The following USP28 variants were observed in gnomAD, a reference collection of about 807,000 sequenced individuals.
The protein encoded by USP28 is ubiquitin carboxyl-terminal hydrolase 28.
USP28 carries 113 observed loss-of-function variants against 145.0 expected under a neutral mutation model. That is an observed-to-expected ratio of 0.78 (90% CI 0.67 to 0.91). The LOEUF (loss-of-function observed/expected upper bound fraction) is 0.91. Among genes scored for constraint, USP28 ranks in the 40% least tolerant of loss-of-function variants. USP28 has a pLI of 0.00. For synonymous variants in USP28, 447 were observed against 450.9 expected (o/e 0.99, Z 0.11); for missense variants, 1,201 against 1,289.6 (o/e 0.93, Z 1.05).
At position 113,852,631 on chromosome 11, in the gene USP28, G is replaced by C. The variant is rs763722077; in HGVS notation, c.138C>G (p.Ala46=). 2.5e-6 allele frequency: 4 copies of C among 1,613,354 alleles called. No homozygotes were observed. In the African/African-American group the frequency reaches 5.3e-5, roughly 22 times the overall value. Reference sequence around the variant, plus strand: ...CTGCCTGAGTAATGTCACCATTACTGGCCTATGGGAGAAAAAGACAATAGA... The same window carrying C: ...CTGCCTGAGTAATGTCACCATTACTCGCCTATGGGAGAAAAAGACAATAGA... The change falls in exon 3 of 25, where the codon GCC becomes GCG. Residue 46 remains alanine (A), a splice_region_variant and synonymous_variant. Coordinates refer to ENST00000003302, the Ensembl canonical transcript of USP28.
intron 12 of USP28, chr11:113,821,928 G>T (rs573073018): frequency 6.6e-6 from 1 of 152,218 alleles, no homozygotes; most frequent in Admixed American, 6.5e-5. Context: ...GTGGGGGAGT[G>T]GGGGAATACG....
In USP28 at chr11:113,838,100, C is replaced by G. The variant is rs558654363; in HGVS notation, c.534+2498G>C. ...GCCCTTTTCCTTGTTAAGGCCGACT[C>G]CTCAGATATACTTTCTATGCTGTCT... is the stretch of plus-strand genomic sequence containing the variant. On this transcript the variant is annotated intron_variant, in intron 5 of 24. Coordinates refer to ENST00000003302, the Ensembl canonical transcript of USP28. Among the ~76,000 whole-genome samples, 22 of 152,280 alleles carry G rather than the reference C, an allele frequency of 1.4e-4. 1 individual carries two copies. In the South Asian group the frequency reaches 4.4e-3, roughly 30 times the overall value.
chr11:113,825,090 AAAAG>A (rs1307098643), intron 11 of USP28, among the ~76,000 whole-genome samples: 14 of 152,280 alleles, frequency 9.2e-5, no homozygotes, highest in African/African-American at 3.4e-4. Context: ...ACAATTTTGA[AAAAG>A]AACAAAGTTG....
intron 7 of USP28, among the ~76,000 whole-genome samples, chr11:113,832,922 C>G (rs1488903467): frequency 2.0e-5 from 3 of 152,126 alleles, no homozygotes; most frequent in Non-Finnish European, 4.4e-5. Flanking sequence ...AGGTGCGTAC[C>G]ACCATGCCCG....
At chr11:113,851,857 G>A (rs1946492184) in intron 3 of USP28, among the ~76,000 whole-genome samples, 1 of 145,410 alleles carries the variant, frequency 6.9e-6, no homozygotes, top group Non-Finnish European at 1.5e-5. Context: ...TCTTTCTTCT[G>A]TCCTTTTTCT....
chr11:113,825,509 C>T (rs1200880240), intron 11 of USP28, among the ~76,000 whole-genome samples: 4 of 152,136 alleles, frequency 2.6e-5, no homozygotes. Context: ...ACATATTTTA[C>T]CCAAGAAAAC....
chr11:113,837,993 AG>A (rs1944757530), intron 5 of USP28, among the ~76,000 whole-genome samples: 1 of 151,288 alleles, frequency 6.6e-6, no homozygotes, highest in African/African-American at 2.4e-5. Flanking sequence ...AATTTCACAG[AG>A]GAAAAAAAAA....
intron 1 of USP28, chr11:113,874,419 T>C (rs1949154878): frequency 9.8e-7 from 1 of 1,015,346 alleles, no homozygotes; most frequent in Non-Finnish European, 1.2e-6. Context: ...AGGGAGACTC[T>C]GTCGAAAAAA....
chr11:113,808,733 C>T (rs1940465379), intron 17 of USP28, among the ~76,000 whole-genome samples: 1 of 152,192 alleles, frequency 6.6e-6, no homozygotes, highest in African/African-American at 2.4e-5. Flanking sequence ...AAACAAGCAT[C>T]TTTTAGGAAG....
chr11:113,821,098 A>G, intron 12 of USP28: 1 of 244,648 alleles, frequency 4.1e-6, no homozygotes, highest in Non-Finnish European at 8.9e-6. Context: ...ACTTGGGATG[A>G]AAGTACTGGG....
chr11:113,826,921 A>G (rs1943426084), intron 11 of USP28, among the ~76,000 whole-genome samples: 1 of 114,570 alleles, frequency 8.7e-6, no homozygotes, highest in African/African-American at 3.2e-5. Flanking sequence ...CTCTGTCTCA[A>G]AAAAAAAAAA....
chr11:113,817,551 C>T, intron 13 of USP28, 107 bp downstream of exon 13: 2 of 1,287,414 alleles, frequency 1.6e-6, no homozygotes, highest in East Asian at 4.8e-5. Context: ...GAGCTCACAG[C>T]TCCTGTGCTC....
At chr11:113,839,341 T>A (rs184680743) in intron 5 of USP28, among the ~76,000 whole-genome samples, 2 of 152,150 alleles carry the variant, frequency 1.3e-5, no homozygotes, top group African/African-American at 4.8e-5. Flanking sequence ...TCCCAGCACT[T>A]TGGAAGGCCA....
chr11:113,817,477 A>G (rs1296550719), intron 13 of USP28, among the ~76,000 whole-genome samples, 181 bp downstream of exon 13: 1 of 152,160 alleles, frequency 6.6e-6, no homozygotes, highest in Non-Finnish European at 1.5e-5. Flanking sequence ...GGATAAGACA[A>G]ATGCACTGGT....
chr11:113,873,651 C>T (rs1000154252), intron 1 of USP28, among the ~76,000 whole-genome samples: 4 of 152,176 alleles, frequency 2.6e-5, no homozygotes, highest in African/African-American at 9.6e-5. Context: ...ATGATAGTCT[C>T]CAAACTAAAA....
At chr11:113,849,569 T>C (rs1946245018) in intron 3 of USP28, among the ~76,000 whole-genome samples, 1 of 152,132 alleles carries the variant, frequency 6.6e-6, no homozygotes, top group Non-Finnish European at 1.5e-5. Flanking sequence ...GTATGAGGCA[T>C]GGCCCTATGG....
chr11:113,832,877 C>A (rs1944163475), intron 7 of USP28, among the ~76,000 whole-genome samples: 1 of 152,076 alleles, frequency 6.6e-6, no homozygotes, highest in Non-Finnish European at 1.5e-5. Context: ...TTCCAGGGAT[C>A]TTCCTGCCTC....
chr11:113,824,975 C>CTGTA, intron 11 of USP28, among the ~76,000 whole-genome samples: 1 of 149,068 alleles, frequency 6.7e-6, no homozygotes, highest in Non-Finnish European at 1.5e-5. Flanking sequence ...CCAAACTGAT[C>CTGTA]TGTAAGTTCA....
intron 15 of USP28, 144 bp from the exon 16 acceptor site, chr11:113,812,648 A>C: frequency 1.3e-6 from 1 of 747,346 alleles, no homozygotes; most frequent in East Asian, 2.7e-5. Flanking sequence ...AAGTCCACAA[A>C]AACACAGCCT....
Sources: gnomAD v4.1 joint callset for allele counts (sites outside exome capture counted in the v4.1 genomes callset) on GRCh38, gnomAD v4.1.1 for gene constraint, MANE v1.5 for transcripts, NCBI Gene and HGNC (gene_info 2026-07-23, HGNC 2026-07-21) for gene names.